The following ERBB4 variants were observed in gnomAD, a reference collection of about 807,000 sequenced individuals.
ERBB4 encodes receptor tyrosine-protein kinase erbB-4.
Under a neutral mutation model 158.0 loss-of-function variants are expected in ERBB4, and 42 were observed. That is an observed-to-expected ratio of 0.27 (90% confidence interval 0.21 to 0.34). The LOEUF (loss-of-function observed/expected upper bound fraction) is 0.34. Among genes scored for constraint, ERBB4 ranks in the 10% least tolerant of loss-of-function variants. The pLI is 1.00. For missense variants in ERBB4, 1,333 were observed against 1,624.1 expected, an observed-to-expected ratio of 0.82 and a Z score of 3.08; for synonymous variants, 583 against 558.7, an observed-to-expected ratio of 1.04 and a Z score of -0.61.
rs934828874 is a variant in ERBB4 at position 211,892,909 on chromosome 2, G to A, written c.421+54521C>T. On this transcript the variant is annotated intron_variant, in intron 3 of 27. Coordinates refer to ENST00000342788, the MANE Select transcript of ERBB4 (RefSeq NM_005235.3). ...CAAACCACTGCTCAAGGAAATAAAA[G>A]AGGATACAAACAAATGGAAGAACAT... is the stretch of plus-strand genomic sequence containing the variant. Among the ~76,000 whole-genome samples, 7 of 143,752 alleles carry A rather than the reference G, an allele frequency of 4.9e-5. 1 individual carries two copies. Among genetic ancestry groups the A allele is most frequent in the Non-Finnish European group, 1.5e-5 (1 of 65,762 alleles). 94.3% of individuals were successfully genotyped at this position (143,752 alleles called of 152,430 possible). A position where few individuals can be genotyped will look rare whatever the true frequency, so the allele number is the denominator to read the frequency against.
chr2:212,229,338 T>C (rs2083585877), intron 1 of ERBB4, among the ~76,000 whole-genome samples: 1 of 152,160 alleles, frequency 6.6e-6, no homozygotes, highest in Non-Finnish European at 1.5e-5. Flanking sequence ...CTGGATGGAC[T>C]CAAGTCAGAG....
Position 211,377,385 on chromosome 2 carries a change from A to C in ERBB4, c.*6230T>G, listed in dbSNP as rs1008008165. On this transcript the variant is annotated 3_prime_UTR_variant, in exon 28 of 28. Transcript: ENST00000342788. Reference sequence around the variant, plus strand: ...TACAGGTATGAATCTTTGTTTTCCTATATTTGTATATTTGCACAAATATAA... The same window carrying C: ...TACAGGTATGAATCTTTGTTTTCCTCTATTTGTATATTTGCACAAATATAA... 1 of 232,716 alleles carries C rather than the reference A, an allele frequency of 4.3e-6. No individual in the cohort carries two copies. The highest frequency in any genetic ancestry group is 1.8e-4 in the South Asian group (1 of 5,526). The allele number at this position is 232,716 out of a possible 1,614,324, so 14.4% of individuals were successfully genotyped here. A position where few individuals can be genotyped will look rare whatever the true frequency, so the allele number is the denominator to read the frequency against.
At chr2:211,815,139 G>T (rs893273709) in intron 3 of ERBB4, among the ~76,000 whole-genome samples, 2 of 152,054 alleles carry the variant, frequency 1.3e-5, no homozygotes, top group African/African-American at 4.8e-5. Context: ...AAAAATCAAG[G>T]TTGAAGCTTA....
intron 1 of ERBB4, among the ~76,000 whole-genome samples, chr2:212,197,006 G>GT (rs1309467326): frequency 6.6e-6 from 1 of 152,014 alleles, no homozygotes; most frequent in South Asian, 2.1e-4. Flanking sequence ...TCTACGGGTT[G>GT]TTTTTTTCTT....
At chr2:211,449,246 C>T (rs1379725268) in intron 20 of ERBB4, among the ~76,000 whole-genome samples, 2 of 151,886 alleles carry the variant, frequency 1.3e-5, no homozygotes, top group East Asian at 1.9e-4. Flanking sequence ...TGTTTTAGAC[C>T]GTGTAATATT....
intron 1 of ERBB4, among the ~76,000 whole-genome samples, chr2:212,497,434 T>C (rs1343565483): frequency 3.9e-5 from 6 of 152,158 alleles, no homozygotes; most frequent in Non-Finnish European, 7.3e-5. Flanking sequence ...AAGTTTTCTG[T>C]CCATTCATTA....
chr2:211,736,994 C>T (rs901131592), intron 5 of ERBB4, among the ~76,000 whole-genome samples: 4 of 152,122 alleles, frequency 2.6e-5, no homozygotes, highest in South Asian at 4.2e-4. Context: ...AGTCATGTCG[C>T]GATAAAGAGG....
At chr2:212,148,243 T>G (rs1035444247) in intron 1 of ERBB4, among the ~76,000 whole-genome samples, 2 of 152,098 alleles carry the variant, frequency 1.3e-5, no homozygotes, top group African/African-American at 4.8e-5. Context: ...TACTTTTTTA[T>G]GCAATGAATA....
At chr2:211,561,848 G>C (rs778448683) in intron 20 of ERBB4, 55 bp downstream of exon 20, 1 of 1,447,446 alleles carries the variant, frequency 6.9e-7, no homozygotes, top group Non-Finnish European at 9.7e-7. Flanking sequence ...ACTGTTCCAG[G>C]TTAGGAAATA....
intron 25 of ERBB4, among the ~76,000 whole-genome samples, chr2:211,416,947 G>A (rs1992026): frequency 0.11 from 16,030 of 150,836 alleles, 2,090 homozygotes; most frequent in African/African-American, 0.31. Context: ...TGCTTTTTTC[G>A]TTTGGTTAAT....
At chr2:211,584,743 T>C (rs1419436980) in intron 19 of ERBB4, among the ~76,000 whole-genome samples, 5 of 151,606 alleles carry the variant, frequency 3.3e-5, no homozygotes, top group Admixed American at 1.3e-4. Flanking sequence ...TTTAAATATA[T>C]GTATATTAAA....
intron 3 of ERBB4, among the ~76,000 whole-genome samples, chr2:211,938,054 A>T (rs1262886675): frequency 6.6e-6 from 1 of 152,184 alleles, no homozygotes; most frequent in Admixed American, 6.5e-5. Flanking sequence ...TAAGGCCCAA[A>T]TCAAAAATGA....
intron 18 of ERBB4, among the ~76,000 whole-genome samples, chr2:211,621,947 AT>A (rs1400712000): frequency 2.0e-5 from 3 of 152,118 alleles, no homozygotes; most frequent in Admixed American, 1.3e-4. Context: ...GAATACGGAG[AT>A]TTGTAGCATT....
chr2:211,392,564 A>G lies in ERBB4; in HGVS notation c.3136-4572T>C, dbSNP rs879777219. On this transcript the variant is annotated intron_variant, in intron 25 of 27. Transcript: ENST00000342788. ...TTGAAAAAACTCTCTTACTCCACAC[A>G]CACACACACACACACACACACACAC... Among the ~76,000 whole-genome samples, 1,310 of 139,584 alleles carry G rather than the reference A, an allele frequency of 9.4e-3. 16 individuals are homozygous for G. Among genetic ancestry groups the G allele is most frequent in the Middle Eastern group, 0.036 (10 of 280 alleles). 91.6% of individuals were successfully genotyped at this position (139,584 alleles called of 152,430 possible).
chr2:211,664,601 C>A (rs1193635553), intron 15 of ERBB4, among the ~76,000 whole-genome samples: 2 of 152,100 alleles, frequency 1.3e-5, no homozygotes, highest in African/African-American at 4.8e-5. Flanking sequence ...CAGTTCAGTG[C>A]TTTTCTTCTT....
At position 211,990,414 on chromosome 2, in the gene ERBB4, T is replaced by C. The variant is rs369360022; in HGVS notation, c.235-42798A>G. On this transcript the variant is annotated intron_variant, in intron 2 of 27. Transcript: ENST00000342788. ...TTGAAAGCTATCTTAACATTCAGATTATTTGAAATAACTGTACATTTGTCA... is the reference window on the plus strand; with the variant it reads ...TTGAAAGCTATCTTAACATTCAGATCATTTGAAATAACTGTACATTTGTCA... 3.3e-5 allele frequency among the ~76,000 whole-genome samples: 5 copies of C among 152,122 alleles called. No individual in the cohort carries two copies. The East Asian group carries it at 9.6e-4, about 29-fold the overall frequency.
intron 25 of ERBB4, among the ~76,000 whole-genome samples, chr2:211,392,576 A>G (rs930776536): frequency 2.0e-5 from 3 of 150,448 alleles, no homozygotes; most frequent in African/African-American, 4.9e-5. Context: ...ACACACACAC[A>G]CACACACACA....
chr2:211,739,588 C>T (rs1290417600), intron 5 of ERBB4, among the ~76,000 whole-genome samples: 2 of 152,070 alleles, frequency 1.3e-5, no homozygotes, highest in East Asian at 1.9e-4. Context: ...CTCAGTGTCC[C>T]GAGTAGCTGG....
At chr2:211,625,255 C>A (rs1418529314) in intron 17 of ERBB4, among the ~76,000 whole-genome samples, 3 of 152,068 alleles carry the variant, frequency 2.0e-5, no homozygotes, top group Non-Finnish European at 4.4e-5. Flanking sequence ...ATTTTTCCAG[C>A]ATAATAATCA....
Sources: allele counts gnomAD v4.1 joint callset (sites outside exome capture counted in the v4.1 genomes callset), GRCh38; gene constraint gnomAD v4.1.1; transcripts MANE v1.5; gene names NCBI Gene and HGNC (gene_info 2026-07-23, HGNC 2026-07-21).